PLSCR2: variants seen among roughly 807,000 people sequenced by gnomAD.
PLSCR2 encodes the protein PL scramblase 2.
In PLSCR2, 18 loss-of-function variants were observed where a neutral mutation model predicts 25.3. The ratio of observed to expected loss-of-function variants is 0.71; its 90% CI spans 0.49 to 1.06. The LOEUF is 1.06. Among genes scored for constraint, PLSCR2 ranks in the 50% least tolerant of loss-of-function variants. The pLI is 0.00. For synonymous variants in PLSCR2, 88 were observed against 87.3 expected (o/e 1.01, Z -0.04); for missense variants, 243 against 269.5 (o/e 0.90, Z 0.69).
chr3:146,438,726 C>T (rs1433451695), downstream of PLSCR2, among the ~76,000 whole-genome samples: 2 of 152,130 alleles, frequency 1.3e-5, no homozygotes, highest in East Asian at 1.9e-4. Flanking sequence ...GACTCTTTAT[C>T]CAATTTGCCA....
intron 2 of PLSCR2, among the ~76,000 whole-genome samples, chr3:146,398,472 C>A (rs1208773695): frequency 2.0e-5 from 3 of 151,298 alleles, no homozygotes; most frequent in African/African-American, 7.3e-5. Flanking sequence ...GCTACATAAA[C>A]TTATAGAGCT....
intron 2 of PLSCR2, among the ~76,000 whole-genome samples, chr3:146,409,544 G>A (rs2038775995): frequency 1.3e-5 from 2 of 152,122 alleles, no homozygotes; most frequent in Non-Finnish European, 2.9e-5. Flanking sequence ...GCCGGGAGTT[G>A]CAGTAACAAC....
intron 1 of PLSCR2, chr3:146,469,016 G>A (rs2041992851): frequency 9.0e-6 from 5 of 554,642 alleles, no homozygotes; most frequent in South Asian, 7.9e-5. Flanking sequence ...TAGGAACCGC[G>A]CTACATACCG....
At chr3:146,459,887 T>C in exon 2 of PLSCR2, 1 of 1,613,550 alleles carries the variant, frequency 6.2e-7, no homozygotes, top group South Asian at 1.1e-5. Flanking sequence ...AGTTTAATGG[T>C]GGTGGTGGTG....
chr3:146,450,432 T>C (rs1403645), intron 5 of PLSCR2, among the ~76,000 whole-genome samples: 87,802 of 152,114 alleles, frequency 0.58, 25,768 homozygotes, highest in South Asian at 0.76. Context: ...CTATGGATTA[T>C]TCTTCATCAA....
intron 2 of PLSCR2, among the ~76,000 whole-genome samples, chr3:146,422,314 G>C (rs956116204): frequency 1.7e-4 from 26 of 152,006 alleles, no homozygotes; most frequent in African/African-American, 2.4e-5. Flanking sequence ...TAAAAAACTG[G>C]CCCATGAACG....
In PLSCR2 at chr3:146,452,232, T is replaced by G. The variant is rs968715988; in HGVS notation, c.483+1770A>C. Reference sequence around the variant, plus strand: ...TGTAGAGAAGGAGAATTGGTTGACATGGAGAAAAAATATCCACACATTTGG... The same window carrying G: ...TGTAGAGAAGGAGAATTGGTTGACAGGGAGAAAAAATATCCACACATTTGG... On this transcript the variant is annotated intron_variant, in intron 5 of 6. Coordinates refer to ENST00000610787, the Ensembl canonical transcript of PLSCR2. Among the ~76,000 whole-genome samples, 6 of 151,966 alleles carry G rather than the reference T, an allele frequency of 3.9e-5. No individual in the cohort carries two copies. In the South Asian group the frequency reaches 6.2e-4, roughly 16 times the overall value.
chr3:146,405,891 G>A (rs1320503534), intron 2 of PLSCR2, among the ~76,000 whole-genome samples: 1 of 152,056 alleles, frequency 6.6e-6, no homozygotes, highest in Non-Finnish European at 1.5e-5. Context: ...TAAGAATGGT[G>A]GAGGAACAGT....
chr3:146,442,936 A>T (rs1307083953), intron 6 of PLSCR2, among the ~76,000 whole-genome samples: 2 of 152,134 alleles, frequency 1.3e-5, no homozygotes, highest in Non-Finnish European at 2.9e-5. Context: ...CACAGACAGC[A>T]AAAGCAAAAA....
chr3:146,441,635 C>T (rs2040248686), downstream of PLSCR2: 2 of 544,264 alleles, frequency 3.7e-6, no homozygotes, highest in Non-Finnish European at 6.5e-6. Context: ...CTCAGAGCTA[C>T]AAGCATCATA....
Position 146,426,199 on chromosome 3 carries a change from C to T in PLSCR2, c.101-30278G>A, listed in dbSNP as rs143909934. Among the ~76,000 whole-genome samples, 3 of 147,084 alleles carry T rather than the reference C, an allele frequency of 2.0e-5. No homozygotes were observed. In the Admixed American group the frequency reaches 2.1e-4, roughly 10 times the overall value. On this transcript the variant is annotated intron_variant and NMD_transcript_variant, in intron 2 of 3. Coordinates refer to the PLSCR2 transcript ENST00000463633. ...CCTTCCTTCCTCCCTCCCTCCTTCCCTCCTTCCTTCCCTCCCTCCTTCCCT... is the reference window on the plus strand; with the variant it reads ...CCTTCCTTCCTCCCTCCCTCCTTCCTTCCTTCCTTCCCTCCCTCCTTCCCT...
chr3:146,452,915 G>A (rs2040984443), intron 5 of PLSCR2, among the ~76,000 whole-genome samples: 1 of 151,458 alleles, frequency 6.6e-6, no homozygotes, highest in African/African-American at 2.4e-5. Flanking sequence ...CCACACACAT[G>A]TGTATATATC....
In PLSCR2 at chr3:146,451,030, AT is replaced by A. The variant is rs1192770706; in HGVS notation, c.484-1664del. Among the ~76,000 whole-genome samples the A allele has an allele frequency of 4.6e-5, 7 of 151,914 alleles. No individual in the cohort carries two copies. The South Asian group carries it at 6.2e-4, about 13-fold the overall frequency. ...AACATTTTAAAAACAAAACAAAAAA[AT>A]ATGGTAAAATTACTTCAACCTCTGG... On this transcript the variant is annotated intron_variant, in intron 5 of 6. Coordinates refer to ENST00000610787, the Ensembl canonical transcript of PLSCR2.
chr3:146,428,972 G>C (rs1446516405), downstream of PLSCR2, among the ~76,000 whole-genome samples: 1 of 152,082 alleles, frequency 6.6e-6, no homozygotes, highest in Non-Finnish European at 1.5e-5. Flanking sequence ...TTCTATGTTT[G>C]TTCTACTGCA....
chr3:146,413,364 C>T (rs1175793311), intron 2 of PLSCR2, among the ~76,000 whole-genome samples: 1 of 152,172 alleles, frequency 6.6e-6, no homozygotes, highest in South Asian at 2.1e-4. Flanking sequence ...TATATGGCTA[C>T]TCTGTGAAAT....
chr3:146,492,760 C>T (rs1434092671), intron 1 of PLSCR2, among the ~76,000 whole-genome samples: 1 of 151,630 alleles, frequency 6.6e-6, no homozygotes, highest in Non-Finnish European at 1.5e-5. Flanking sequence ...GAAGAGGAAA[C>T]CAACCCCAAA....
chr3:146,446,593 C>T (rs1480267533), intron 6 of PLSCR2, among the ~76,000 whole-genome samples: 1 of 152,172 alleles, frequency 6.6e-6, no homozygotes, highest in East Asian at 1.9e-4. Flanking sequence ...TAGAACTGAA[C>T]TGGGTCAGAC....
chr3:146,452,100 T>G (rs1015782243), intron 5 of PLSCR2, among the ~76,000 whole-genome samples: 7 of 152,168 alleles, frequency 4.6e-5, no homozygotes, highest in African/African-American at 1.7e-4. Context: ...GAATTTGAAA[T>G]TGGGAACAGT....
At chr3:146,396,041 T>C (rs994387382) in intron 2 of PLSCR2, 20 of 182,704 alleles carry the variant, frequency 1.1e-4, no homozygotes, top group African/African-American at 2.4e-5. Flanking sequence ...TACCCAACAA[T>C]TTACAAAATA....
Sources: allele counts gnomAD v4.1 joint callset (sites outside exome capture counted in the v4.1 genomes callset), GRCh38; gene constraint gnomAD v4.1.1; transcripts MANE v1.5; gene names NCBI Gene and HGNC (gene_info 2026-07-23, HGNC 2026-07-21).